Variants in EYS observed in about 807,000 individuals in gnomAD.
EYS encodes EGF-like photoreceptor maintenance factor, also known as protein eyes shut homolog.
Under a neutral mutation model 282.1 loss-of-function variants are expected in EYS, and 250 were observed. That is an observed-to-expected ratio of 0.89 (90% CI 0.80 to 0.98). The LOEUF (loss-of-function observed/expected upper bound fraction) is 0.98. Among genes scored for constraint, EYS ranks in the 50% least tolerant of loss-of-function variants. The pLI is 0.00. For synonymous variants in EYS, 1,355 were observed against 1,282.9 expected (o/e 1.06, Z -1.20); for missense variants, 4,016 against 3,709.0 (o/e 1.08, Z -2.15).
intron 22 of EYS, among the ~76,000 whole-genome samples, chr6:64,632,740 A>G (rs1481258636): frequency 1.3e-5 from 2 of 152,250 alleles, no homozygotes; most frequent in African/African-American, 2.4e-5. Context: ...CATCAGGTTG[A>G]TAAGTAGGGG....
chr6:64,143,396 A>G (rs920370929), intron 31 of EYS, among the ~76,000 whole-genome samples: 7 of 146,598 alleles, frequency 4.8e-5, no homozygotes, highest in African/African-American at 7.5e-5. Flanking sequence ...TCACTGTAGT[A>G]TGAGGTATTC....
At chr6:65,580,327 C>T (rs571299245) in intron 2 of EYS, among the ~76,000 whole-genome samples, 94 of 152,066 alleles carry the variant, frequency 6.2e-4, no homozygotes, top group African/African-American at 2.1e-3. Context: ...ATTAAGGATA[C>T]GATCAATAAA....
At chr6:65,514,769 C>A (rs1167710551) in intron 2 of EYS, among the ~76,000 whole-genome samples, 1 of 152,174 alleles carries the variant, frequency 6.6e-6, no homozygotes, top group Non-Finnish European at 1.5e-5. Context: ...CCCTTCCTTA[C>A]ACCTTATACA....
At chr6:65,661,315 T>A (rs934740607) in intron 1 of EYS, among the ~76,000 whole-genome samples, 10 of 151,966 alleles carry the variant, frequency 6.6e-5, no homozygotes, top group Non-Finnish European at 1.0e-4. Flanking sequence ...AAGGTTTTGT[T>A]TGGTGTTTGT....
chr6:65,386,163 G>C (rs1765794459), intron 7 of EYS, among the ~76,000 whole-genome samples: 1 of 148,394 alleles, frequency 6.7e-6, no homozygotes, highest in Admixed American at 6.9e-5. Context: ...TTTCTAAACA[G>C]AGCAGGTTTT....
At chr6:64,886,223 G>C (rs1322462797) in intron 19 of EYS, among the ~76,000 whole-genome samples, 1 of 151,798 alleles carries the variant, frequency 6.6e-6, no homozygotes, top group Non-Finnish European at 1.5e-5. Context: ...TTGCCTTTAT[G>C]TTTGGATAAA....
chr6:64,235,802 A>C (rs1437705918), intron 30 of EYS, among the ~76,000 whole-genome samples: 2 of 152,206 alleles, frequency 1.3e-5, no homozygotes, highest in African/African-American at 4.8e-5. Context: ...ATAGACCAAT[A>C]ACAGGCTCTG....
chr6:64,679,292 CT>C (rs1769815890), intron 22 of EYS, among the ~76,000 whole-genome samples: 1 of 152,042 alleles, frequency 6.6e-6, no homozygotes, highest in Non-Finnish European at 1.5e-5. Context: ...AGAAAAAAGG[CT>C]GCATAGCTTT....
At chr6:65,162,049 C>G (rs1405214958) in intron 12 of EYS, among the ~76,000 whole-genome samples, 1 of 151,166 alleles carries the variant, frequency 6.6e-6, no homozygotes, top group Non-Finnish European at 1.5e-5. Context: ...AACAGGCAAA[C>G]CATTGCAAGG....
intron 22 of EYS, among the ~76,000 whole-genome samples, chr6:64,627,870 G>C (rs777839530): frequency 3.3e-5 from 5 of 152,146 alleles, no homozygotes; most frequent in Admixed American, 6.5e-5. Flanking sequence ...ATGAGGTCAG[G>C]AGATCGAGAC....
intron 4 of EYS, chr6:65,491,270 T>TATACACAC (rs1554202449): frequency 1.2e-5 from 2 of 170,062 alleles, no homozygotes; most frequent in Admixed American, 5.9e-5. Flanking sequence ...ATCAGTTATA[T>TATACACAC]ACACACACAC....
intron 1 of EYS, among the ~76,000 whole-genome samples, chr6:65,661,360 C>G (rs1767994179): frequency 6.6e-6 from 1 of 151,872 alleles, no homozygotes; most frequent in Non-Finnish European, 1.5e-5. Flanking sequence ...CATGTAGTGA[C>G]CATTATTATA....
At chr6:65,644,592 C>A (rs1446070277) in intron 1 of EYS, among the ~76,000 whole-genome samples, 1 of 152,166 alleles carries the variant, frequency 6.6e-6, no homozygotes, top group African/African-American at 2.4e-5. Context: ...GCAAAAAGAT[C>A]ATTGCCTAGG....
At chr6:64,734,642 C>G (rs1772123453) in intron 22 of EYS, among the ~76,000 whole-genome samples, 1 of 152,138 alleles carries the variant, frequency 6.6e-6, no homozygotes, top group South Asian at 2.1e-4. Context: ...TCCATTTTCT[C>G]TAAGTTCTCT....
intron 35 of EYS, among the ~76,000 whole-genome samples, chr6:63,872,402 T>C (rs1008979926): frequency 1.3e-5 from 2 of 151,732 alleles, no homozygotes; most frequent in Non-Finnish European, 2.9e-5. Flanking sequence ...GTGTGTCTTC[T>C]GATTTGTTCC....
chr6:65,382,098 T>G (rs1034004101), intron 8 of EYS, among the ~76,000 whole-genome samples: 1 of 151,970 alleles, frequency 6.6e-6, no homozygotes, highest in Admixed American at 6.6e-5. Flanking sequence ...TTTTAAAAAT[T>G]ACTTTGATGC....
chr6:64,474,325 C>T (rs1776203931), intron 26 of EYS, among the ~76,000 whole-genome samples: 1 of 152,120 alleles, frequency 6.6e-6, no homozygotes, highest in African/African-American at 2.4e-5. Context: ...AATGAAATTA[C>T]ACATATGTGA....
chr6:65,555,018 A>G (rs1012739404), intron 2 of EYS, among the ~76,000 whole-genome samples: 1 of 152,164 alleles, frequency 6.6e-6, no homozygotes, highest in Admixed American at 6.5e-5. Context: ...GGAAAAAAAA[A>G]AAGAAACAAT....
intron 31 of EYS, among the ~76,000 whole-genome samples, chr6:64,119,012 T>C (rs994557176): frequency 1.3e-5 from 2 of 152,130 alleles, no homozygotes; most frequent in Non-Finnish European, 1.5e-5. Context: ...TTTCTCCAGT[T>C]AGAATGACTA....
Sources: gnomAD v4.1 joint callset for allele counts (sites outside exome capture counted in the v4.1 genomes callset) on GRCh38, gnomAD v4.1.1 for gene constraint, MANE v1.5 for transcripts, NCBI Gene and HGNC (gene_info 2026-07-23, HGNC 2026-07-21) for gene names.